Variants in ZFYVE9 observed in about 807,000 individuals in gnomAD.
The protein encoded by ZFYVE9 is zinc finger FYVE-type containing 9.
A neutral mutation model predicts 126.7 loss-of-function variants in ZFYVE9; 43 were observed. The observed-to-expected ratio is 0.34, with a 90% CI of 0.27 to 0.44. ZFYVE9 has a LOEUF of 0.44. Ranked by LOEUF, ZFYVE9 falls within the 20% of genes least tolerant of loss-of-function variation. The probability of loss-of-function intolerance (pLI) is 1.00; values close to 1 mark genes in which losing one functional copy is unlikely to be tolerated. For synonymous variants in ZFYVE9, 521 were observed against 597.4 expected (o/e 0.87, Z 1.87); for missense variants, 1,476 against 1,697.0 (o/e 0.87, Z 2.29).
In ZFYVE9 at chr1:52,268,549, A is replaced by G. The variant is rs542365007; in HGVS notation, c.2542A>G (p.Met848Val). Reference sequence around the variant, plus strand: ...AGTTGCTGATGCAGCCAAATTAACAATGAATGGAACTTCCTCTGCAGGAAC... The same window carrying G: ...AGTTGCTGATGCAGCCAAATTAACAGTGAATGGAACTTCCTCTGCAGGAAC... ...GEVADAAKLTMNGTSSAGTLA... is the reference protein window; with the variant it reads ...GEVADAAKLTVNGTSSAGTLA... The change falls in exon 7 of 19, where the codon ATG becomes GTG. Residue 848 changes from methionine (M) to valine (V), a missense_variant. Transcript: ENST00000287727. 2 of 1,614,218 alleles carry G rather than the reference A, an allele frequency of 1.2e-6. No homozygotes were observed. Among genetic ancestry groups the G allele is most frequent in the Non-Finnish European group, 8.5e-7 (1 of 1,180,034 alleles).
rs138562704 is a variant in ZFYVE9 at position 52,281,579 on chromosome 1, AAC to A, written c.2870-78_2870-77del. On this transcript the variant is annotated intron_variant, in intron 9 of 18. Coordinates refer to ENST00000287727, the MANE Select transcript of ZFYVE9 (RefSeq NM_004799.4). ...TCTATTTTAATCTTTGCTGTATTGT[AAC>A]ACAGATTTCTGTGCATCTTTTTTTA... 606 of 1,487,954 alleles carry A rather than the reference AAC, an allele frequency of 4.1e-4. No individual in the cohort carries two copies. In the African/African-American group the frequency reaches 7.9e-3, roughly 19 times the overall value. 92.2% of individuals were successfully genotyped at this position (1,487,954 alleles called of 1,614,324 possible). A position where few individuals can be genotyped will look rare whatever the true frequency, so the allele number is the denominator to read the frequency against.
intron 5 of ZFYVE9, chr1:52,264,119 T>C (rs1645610852): frequency 3.9e-6 from 1 of 253,808 alleles, no homozygotes; most frequent in Non-Finnish European, 7.5e-6. Context: ...GGAAGTTCTT[T>C]GGAAATCTGG....
At chr1:52,223,640 G>A (rs964862782) in intron 2 of ZFYVE9, among the ~76,000 whole-genome samples, 10 of 152,164 alleles carry the variant, frequency 6.6e-5, no homozygotes, top group African/African-American at 2.4e-4. Flanking sequence ...TGTTCCTTAA[G>A]TCTAAGAATT....
intron 1 of ZFYVE9, among the ~76,000 whole-genome samples, chr1:52,174,231 A>G (rs1422694705): frequency 2.0e-5 from 3 of 152,172 alleles, no homozygotes; most frequent in African/African-American, 7.2e-5. Flanking sequence ...TTCAAAGAAC[A>G]TCTTTATTTC....
chr1:52,277,262 C>T (rs1645756961), intron 8 of ZFYVE9, among the ~76,000 whole-genome samples: 1 of 151,150 alleles, frequency 6.6e-6, no homozygotes, highest in African/African-American at 2.4e-5. Context: ...AGTAAAATTG[C>T]TGCTTAGGGT....
chr1:52,253,419 T>C (rs190702810), intron 4 of ZFYVE9, among the ~76,000 whole-genome samples: 1 of 152,276 alleles, frequency 6.6e-6, no homozygotes, highest in African/African-American at 2.4e-5. Flanking sequence ...TTTTTAAAAT[T>C]TTATGCCTAT....
intron 1 of ZFYVE9, among the ~76,000 whole-genome samples, chr1:52,194,912 T>G (rs1276738918): frequency 6.6e-6 from 1 of 152,182 alleles, no homozygotes; most frequent in Non-Finnish European, 1.5e-5. Flanking sequence ...AGTCTAGATG[T>G]ACATGCATGA....
chr1:52,287,923 A>T (rs1027091394), intron 10 of ZFYVE9, among the ~76,000 whole-genome samples: 2 of 152,136 alleles, frequency 1.3e-5, no homozygotes, highest in Non-Finnish European at 2.9e-5. Context: ...TCAAATTCTG[A>T]ACCTTTTGGT....
Position 52,346,394 on chromosome 1 carries a change from C to T in ZFYVE9, c.*173C>T, listed in dbSNP as rs1044699411. On this transcript the variant is annotated 3_prime_UTR_variant, in exon 19 of 19. Coordinates refer to ENST00000287727, the MANE Select transcript of ZFYVE9 (RefSeq NM_004799.4). ...GGTGGGAAAGGGTGGTTGGGGGGAC[C>T]GATGTTCCATAATTCTAAGTCTTCT... The T allele has an allele frequency of 1.2e-5, 8 of 654,216 alleles. No homozygotes were observed. The highest frequency in any genetic ancestry group is 1.2e-4 in the East Asian group (4 of 33,948). The allele number at this position is 654,216 out of a possible 1,614,324, so 40.5% of individuals were successfully genotyped here. A position where few individuals can be genotyped will look rare whatever the true frequency, so the allele number is the denominator to read the frequency against.
intron 12 of ZFYVE9, among the ~76,000 whole-genome samples, chr1:52,298,325 A>G (rs1269965588): frequency 6.6e-6 from 1 of 152,090 alleles, no homozygotes; most frequent in African/African-American, 2.4e-5. Context: ...ATTTTTGTAT[A>G]TGGGGAGAGG....
At chr1:52,263,695 T>G in intron 4 of ZFYVE9, 78 bp from the exon 5 acceptor site, 1 of 685,962 alleles carries the variant, frequency 1.5e-6, no homozygotes, top group Non-Finnish European at 2.5e-6. Context: ...CAATCAGTGT[T>G]TGTCAATATT....
chr1:52,187,505 A>C (rs916400849), intron 1 of ZFYVE9, among the ~76,000 whole-genome samples: 2 of 152,256 alleles, frequency 1.3e-5, no homozygotes, highest in African/African-American at 4.8e-5. Flanking sequence ...ACAGCAAACT[A>C]CCAACAGAGT....
rs558319086 is a variant in ZFYVE9 at position 52,207,602 on chromosome 1, T to G, written c.-142-8767T>G. The stretch of plus-strand genomic sequence containing the variant: ...TTTCTTTTTTCTGCCACTGTAAGGG[T>G]GTTCATATTCAAAGGGTGTCTTTTT... On this transcript the variant is annotated intron_variant, in intron 1 of 18. Transcript: ENST00000287727. Among the ~76,000 whole-genome samples, 15 of 152,296 alleles carry G rather than the reference T, an allele frequency of 9.8e-5. No homozygotes were observed. The South Asian group carries it at 2.7e-3, about 27-fold the overall frequency.
chr1:52,144,831 A>G (rs1269016072), intron 1 of ZFYVE9, among the ~76,000 whole-genome samples: 1 of 152,176 alleles, frequency 6.6e-6, no homozygotes, highest in African/African-American at 2.4e-5. Context: ...CACCAATGTC[A>G]TTGTCTGTAA....
chr1:52,225,052 C>T (rs1352943386), intron 2 of ZFYVE9, among the ~76,000 whole-genome samples: 6 of 152,176 alleles, frequency 3.9e-5, no homozygotes, highest in Non-Finnish European at 7.3e-5. Flanking sequence ...ACTCCACACT[C>T]GCTTCGCACC....
At chr1:52,341,917 T>C (rs534186492) in intron 17 of ZFYVE9, among the ~76,000 whole-genome samples, 3 of 152,356 alleles carry the variant, frequency 2.0e-5, no homozygotes, top group Non-Finnish European at 2.9e-5. Flanking sequence ...TAAAACACTT[T>C]ATGGCTTATA....
chr1:52,293,771 A>G lies in ZFYVE9; in HGVS notation c.3250+94A>G, dbSNP rs943951235. On this transcript the variant is annotated intron_variant, in intron 11 of 18. Coordinates refer to ENST00000287727, the MANE Select transcript of ZFYVE9 (RefSeq NM_004799.4). ...TGTTTGGTGATATAATTCAGCAGAA[A>G]TAGTCTTTTGAAATAGCTAAACTAA... 4.0e-6 allele frequency: 5 copies of G among 1,251,580 alleles called. No individual in the cohort carries two copies. In the African/African-American group the frequency reaches 4.5e-5, roughly 11 times the overall value. The allele number at this position is 1,251,580 out of a possible 1,614,324, so 77.5% of individuals were successfully genotyped here. A position where few individuals can be genotyped will look rare whatever the true frequency, so the allele number is the denominator to read the frequency against.
chr1:52,324,965 C>T (rs1646276842), intron 13 of ZFYVE9, among the ~76,000 whole-genome samples: 1 of 151,954 alleles, frequency 6.6e-6, no homozygotes. Flanking sequence ...TAAGAAAGAC[C>T]CCATCCATAC....
intron 16 of ZFYVE9, among the ~76,000 whole-genome samples, chr1:52,339,111 G>A (rs1395850518): frequency 1.3e-5 from 2 of 152,206 alleles, no homozygotes; most frequent in Non-Finnish European, 1.5e-5. Context: ...TAATCAGAAT[G>A]AATGTGTATC....
Sources: gnomAD v4.1 joint callset for allele counts (sites outside exome capture counted in the v4.1 genomes callset) on GRCh38, gnomAD v4.1.1 for gene constraint, MANE v1.5 for transcripts, NCBI Gene and HGNC (gene_info 2026-07-23, HGNC 2026-07-21) for gene names.